The following CEP85L variants were observed in gnomAD, a reference collection of about 807,000 sequenced individuals.
CEP85L encodes centrosomal protein of 85 kDa-like.
In CEP85L, 60 loss-of-function variants were observed where a neutral mutation model predicts 100.3. The ratio of observed to expected loss-of-function variants is 0.60; its 90% CI spans 0.49 to 0.74. CEP85L has a LOEUF of 0.74. Ranked by LOEUF, CEP85L falls within the 30% of genes least tolerant of loss-of-function variation. The probability of loss-of-function intolerance (pLI) is 0.00; values close to 1 mark genes in which losing one functional copy is unlikely to be tolerated. For synonymous variants in CEP85L, 319 were observed against 322.7 expected, an observed-to-expected ratio of 0.99 and a Z score of 0.12; for missense variants, 973 against 936.2, an observed-to-expected ratio of 1.04 and a Z score of -0.51.
At chr6:118,652,852 G>C, upstream of CEP85L, 1 of 810,360 alleles carries the variant, frequency 1.2e-6, no homozygotes, top group Non-Finnish European at 2.0e-6. Flanking sequence ...GAATGTGATT[G>C]GTTCCTTTTT....
At chr6:118,559,082 G>C (rs1426417117) in intron 3 of CEP85L, 1 of 1,608,912 alleles carries the variant, frequency 6.2e-7, no homozygotes, top group Admixed American at 1.7e-5. Context: ...CTTCTCTGAA[G>C]TTCTGCTACA....
chr6:118,708,301 T>G (rs952745780), intron 1 of CEP85L, among the ~76,000 whole-genome samples: 1 of 152,210 alleles, frequency 6.6e-6, no homozygotes, highest in African/African-American at 2.4e-5. Context: ...GGGCCTGGGA[T>G]GGAAGGCTGC....
chr6:118,517,244 A>G (rs1029078787), intron 4 of CEP85L, among the ~76,000 whole-genome samples: 1 of 152,152 alleles, frequency 6.6e-6, no homozygotes, highest in African/African-American at 2.4e-5. Flanking sequence ...TTGGTTCCAT[A>G]TGAAATTTAA....
chr6:118,575,838 A>G (rs1780194763), intron 2 of CEP85L, among the ~76,000 whole-genome samples: 1 of 151,862 alleles, frequency 6.6e-6, no homozygotes. Flanking sequence ...TAAAAAAAAA[A>G]CCTCCCGGGG....
chr6:118,551,511 G>C (rs1236543995), intron 3 of CEP85L, among the ~76,000 whole-genome samples: 3 of 151,810 alleles, frequency 2.0e-5, no homozygotes, highest in African/African-American at 7.3e-5. Flanking sequence ...AAATACACTT[G>C]TAAAGCATTG....
At chr6:118,522,374 T>C (rs1001370495) in intron 4 of CEP85L, among the ~76,000 whole-genome samples, 4 of 152,100 alleles carry the variant, frequency 2.6e-5, no homozygotes, top group Non-Finnish European at 4.4e-5. Flanking sequence ...TATATAAAAT[T>C]GCACCTATAT....
At chr6:118,634,697 T>C (rs1774381886) in intron 1 of CEP85L, among the ~76,000 whole-genome samples, 1 of 151,282 alleles carries the variant, frequency 6.6e-6, no homozygotes, top group Admixed American at 6.7e-5. Context: ...ATTCTAATTC[T>C]GATCTGTGGT....
At chr6:118,618,344 T>A (rs1054491527) in intron 2 of CEP85L, among the ~76,000 whole-genome samples, 1 of 152,240 alleles carries the variant, frequency 6.6e-6, no homozygotes, top group East Asian at 1.9e-4. Flanking sequence ...AAGTTCCTTG[T>A]TGATGGTGCC....
At chr6:118,633,493 C>T (rs1253278424) in intron 1 of CEP85L, among the ~76,000 whole-genome samples, 7 of 152,126 alleles carry the variant, frequency 4.6e-5, no homozygotes, top group African/African-American at 9.7e-5. Context: ...TGTGAGCCAC[C>T]GCGCCCAGCT....
chr6:118,578,446 C>G (rs549481698), intron 2 of CEP85L, among the ~76,000 whole-genome samples: 1 of 152,186 alleles, frequency 6.6e-6, no homozygotes, highest in Non-Finnish European at 1.5e-5. Context: ...AATAAAAACC[C>G]TTTGGCCGGG....
At chr6:118,625,610 G>A (rs1773737289) in intron 2 of CEP85L, among the ~76,000 whole-genome samples, 1 of 152,180 alleles carries the variant, frequency 6.6e-6, no homozygotes, top group African/African-American at 2.4e-5. Flanking sequence ...GCTAAAAGAA[G>A]AAGAACCTGC....
chr6:118,649,053 G>T (rs1217846415), intron 1 of CEP85L, among the ~76,000 whole-genome samples: 2 of 152,042 alleles, frequency 1.3e-5, no homozygotes, highest in African/African-American at 2.4e-5. Flanking sequence ...CAACTCAGAG[G>T]TCATTATCTT....
intron 2 of CEP85L, among the ~76,000 whole-genome samples, chr6:118,566,558 C>G (rs1779521419): frequency 1.3e-5 from 2 of 152,090 alleles, no homozygotes; most frequent in Admixed American, 1.3e-4. Flanking sequence ...GCAGGGATTC[C>G]AGGCGCCTGC....
intron 2 of CEP85L, among the ~76,000 whole-genome samples, chr6:118,585,514 T>C (rs943438438): frequency 1.3e-5 from 2 of 152,070 alleles, no homozygotes; most frequent in South Asian, 2.1e-4. Flanking sequence ...GAAGGCTCCA[T>C]GAGAGAAATT....
chr6:118,591,009 TA>T (rs1475847657), intron 2 of CEP85L, among the ~76,000 whole-genome samples: 2 of 152,136 alleles, frequency 1.3e-5, no homozygotes, highest in African/African-American at 4.8e-5. Context: ...CACACATCTC[TA>T]AAATCAATTC....
At chr6:118,572,906 C>CA (rs1202010389) in intron 2 of CEP85L, among the ~76,000 whole-genome samples, 3 of 151,394 alleles carry the variant, frequency 2.0e-5, no homozygotes, top group African/African-American at 7.3e-5. Context: ...ACTAAAAATA[C>CA]AAAAAATTAG....
intron 3 of CEP85L, among the ~76,000 whole-genome samples, chr6:118,542,923 A>AAAAC (rs1554216838): frequency 3.5e-4 from 50 of 143,984 alleles, no homozygotes; most frequent in Non-Finnish European, 6.3e-4. Flanking sequence ...AAAAAAAAAA[A>AAAAC]CAGGATATTC....
intron 1 of CEP85L, among the ~76,000 whole-genome samples, chr6:118,695,068 C>A (rs1199558132): frequency 6.6e-6 from 1 of 152,192 alleles, no homozygotes; most frequent in Non-Finnish European, 1.5e-5. Context: ...TCCTTCTAAT[C>A]ATTAGAAGCA....
chr6:118,573,295 G>T (rs1040776791), intron 2 of CEP85L, among the ~76,000 whole-genome samples: 2 of 152,140 alleles, frequency 1.3e-5, no homozygotes, highest in African/African-American at 4.8e-5. Flanking sequence ...AAAGGGTTGG[G>T]TAAATAACTG....
Sources: gnomAD v4.1 joint callset for allele counts (sites outside exome capture counted in the v4.1 genomes callset) on GRCh38, gnomAD v4.1.1 for gene constraint, MANE v1.5 for transcripts, NCBI Gene and HGNC (gene_info 2026-07-23, HGNC 2026-07-21) for gene names.